SDK1: variants seen among roughly 807,000 people sequenced by gnomAD.
SDK1 encodes sidekick cell adhesion molecule 1.
Under a neutral mutation model 245.5 loss-of-function variants are expected in SDK1, and 157 were observed. The observed-to-expected ratio is 0.64, with a 90% CI of 0.56 to 0.73. SDK1 has a LOEUF of 0.73. SDK1 is among the 30% of genes least tolerant of loss of function. The pLI is 0.00. For missense variants in SDK1, 3,583 were observed against 3,002.3 expected, an observed-to-expected ratio of 1.19 and a Z score of -4.52; for synonymous variants, 1,647 against 1,278.5, an observed-to-expected ratio of 1.29 and a Z score of -6.15.
intron 5 of SDK1, among the ~76,000 whole-genome samples, chr7:3,944,262 C>G (rs992940009): frequency 1.3e-5 from 2 of 152,202 alleles, no homozygotes; most frequent in African/African-American, 2.4e-5. Flanking sequence ...AGAGGGATAA[C>G]AATCGTTATC....
intron 1 of SDK1, among the ~76,000 whole-genome samples, chr7:3,381,457 T>A (rs1049611401): frequency 6.6e-6 from 1 of 151,724 alleles, no homozygotes; most frequent in African/African-American, 2.4e-5. Context: ...TGAGCCCCTC[T>A]CAAAAACTGA....
chr7:3,582,636 A>G (rs1173676576), intron 1 of SDK1, among the ~76,000 whole-genome samples: 1 of 143,590 alleles, frequency 7.0e-6, no homozygotes, highest in Non-Finnish European at 1.5e-5. Context: ...TCGTGACATG[A>G]GCTTACATAA....
chr7:3,476,439 G>C (rs1317785369), intron 1 of SDK1, among the ~76,000 whole-genome samples: 2 of 152,108 alleles, frequency 1.3e-5, no homozygotes, highest in African/African-American at 4.8e-5. Flanking sequence ...CTTTTTCCTA[G>C]ATTATTATGC....
chr7:3,859,493 A>C (rs1780635098), intron 5 of SDK1, among the ~76,000 whole-genome samples: 1 of 152,006 alleles, frequency 6.6e-6, no homozygotes, highest in Non-Finnish European at 1.5e-5. Flanking sequence ...GTGGCTCATG[A>C]TGTTGTAAAG....
intron 1 of SDK1, among the ~76,000 whole-genome samples, chr7:3,471,424 T>C (rs1423368365): frequency 6.6e-6 from 1 of 152,186 alleles, no homozygotes; most frequent in Non-Finnish European, 1.5e-5. Flanking sequence ...TCTCCTGATA[T>C]TGTAAATTGG....
At chr7:3,720,071 G>A (rs1785321152) in intron 4 of SDK1, among the ~76,000 whole-genome samples, 3 of 151,636 alleles carry the variant, frequency 2.0e-5, no homozygotes, top group Admixed American at 6.6e-5. Flanking sequence ...CCAAAGGTAC[G>A]ATTTACAAAA....
chr7:3,684,981 C>G (rs937405659), intron 4 of SDK1, among the ~76,000 whole-genome samples: 2 of 151,984 alleles, frequency 1.3e-5, no homozygotes, highest in East Asian at 1.9e-4. Flanking sequence ...ACAATGGACC[C>G]AAAGGGACCT....
intron 5 of SDK1, among the ~76,000 whole-genome samples, chr7:3,938,396 A>T (rs528821945): frequency 7.9e-5 from 12 of 152,178 alleles, no homozygotes; most frequent in Non-Finnish European, 1.2e-4. Flanking sequence ...TAATCCCAGC[A>T]CTTTGGGAGG....
intron 1 of SDK1, among the ~76,000 whole-genome samples, chr7:3,338,888 T>G (rs1217970600): frequency 1.3e-5 from 2 of 151,982 alleles, no homozygotes; most frequent in Non-Finnish European, 2.9e-5. Flanking sequence ...ATTGACATAA[T>G]CCACAGGAAG....
intron 25 of SDK1, among the ~76,000 whole-genome samples, chr7:4,125,826 G>A (rs1400635345): frequency 1.3e-5 from 2 of 152,194 alleles, no homozygotes; most frequent in African/African-American, 4.8e-5. Flanking sequence ...ACCAGGAGGG[G>A]AGAGTGAGAA....
At chr7:3,565,011 A>C (rs577230112) in intron 1 of SDK1, among the ~76,000 whole-genome samples, 33 of 152,178 alleles carry the variant, frequency 2.2e-4, no homozygotes, top group African/African-American at 7.5e-4. Flanking sequence ...TAAAAGTTGT[A>C]AGCGTTGGAG....
intron 1 of SDK1, among the ~76,000 whole-genome samples, chr7:3,364,045 A>G: frequency 6.6e-6 from 1 of 152,130 alleles, no homozygotes; most frequent in African/African-American, 2.4e-5. Flanking sequence ...CATTCCCCTA[A>G]TGTTGAACAT....
At chr7:4,204,862 G>A (rs537740642) in intron 35 of SDK1, among the ~76,000 whole-genome samples, 3 of 140,604 alleles carry the variant, frequency 2.1e-5, no homozygotes, top group East Asian at 4.2e-4. Context: ...AAAGTGCGCA[G>A]CGTGGAATTC....
chr7:3,661,880 C>T (rs1265239340), intron 4 of SDK1, among the ~76,000 whole-genome samples: 4 of 152,060 alleles, frequency 2.6e-5, no homozygotes, highest in Non-Finnish European at 4.4e-5. Context: ...TGCCTCATAG[C>T]ATGGCTGAGG....
chr7:3,666,084 G>C (rs1040298378), intron 4 of SDK1, among the ~76,000 whole-genome samples: 3 of 152,158 alleles, frequency 2.0e-5, no homozygotes. Context: ...TGATCTCCAA[G>C]TATCCAGCTT....
At chr7:3,811,803 G>C (rs17133876) in intron 4 of SDK1, among the ~76,000 whole-genome samples, 3,917 of 152,324 alleles carry the variant, frequency 0.026, 174 homozygotes, top group African/African-American at 0.089. Flanking sequence ...TGCAGAAGCA[G>C]CCATTCTGTT....
chr7:3,558,689 T>TA (rs922275648), intron 1 of SDK1, among the ~76,000 whole-genome samples: 137 of 152,356 alleles, frequency 9.0e-4, no homozygotes, highest in African/African-American at 3.1e-3. Context: ...TGTCTGAGAT[T>TA]ATCAAGTCAA....
At chr7:3,388,372 G>A (rs1048780390) in intron 1 of SDK1, among the ~76,000 whole-genome samples, 2 of 149,994 alleles carry the variant, frequency 1.3e-5, no homozygotes, top group African/African-American at 4.9e-5. Context: ...TCTGTCAAAC[G>A]CTATGTGATT....
At chr7:3,746,478 C>T (rs1583368593) in intron 4 of SDK1, among the ~76,000 whole-genome samples, 1 of 152,170 alleles carries the variant, frequency 6.6e-6, no homozygotes, top group Admixed American at 6.5e-5. Context: ...CTGCTTGCTG[C>T]TCTTTTACCC....
Sources: allele counts gnomAD v4.1 joint callset (sites outside exome capture counted in the v4.1 genomes callset), GRCh38; gene constraint gnomAD v4.1.1; transcripts MANE v1.5; gene names NCBI Gene and HGNC (gene_info 2026-07-23, HGNC 2026-07-21).